FNDC3B: variants seen among roughly 807,000 people sequenced by gnomAD.
FNDC3B encodes fibronectin type III domain containing 3B.
Under a neutral mutation model 151.5 loss-of-function variants are expected in FNDC3B, and 12 were observed. The observed-to-expected ratio is 0.08, with a 90% CI of 0.05 to 0.13. The LOEUF is 0.13. Among genes scored for constraint, FNDC3B ranks in the 10% least tolerant of loss-of-function variants. FNDC3B has a pLI of 1.00. For missense variants in FNDC3B, 1,214 were observed against 1,505.3 expected, an observed-to-expected ratio of 0.81 and a Z score of 3.20; for synonymous variants, 528 against 549.0, an observed-to-expected ratio of 0.96 and a Z score of 0.54.
At chr3:172,384,626 T>G (rs1013832994) in intron 25 of FNDC3B, among the ~76,000 whole-genome samples, 2 of 152,250 alleles carry the variant, frequency 1.3e-5, no homozygotes, top group Non-Finnish European at 2.9e-5. Flanking sequence ...CACCTGTTCT[T>G]GGAAAAATGT....
chr3:172,198,458 A>G (rs1724964647), intron 3 of FNDC3B, among the ~76,000 whole-genome samples: 1 of 152,194 alleles, frequency 6.6e-6, no homozygotes, highest in Non-Finnish European at 1.5e-5. Flanking sequence ...GTTTACACTG[A>G]TACCTCCAAT....
chr3:172,352,735 C>A lies in FNDC3B; in HGVS notation c.2515-68C>A. ...CTACTTTAGATTTATTTAATGGCAG[C>A]TAACTCAGAGGCATCAAAATGTGCT... On this transcript the variant is annotated intron_variant, in intron 21 of 25. Coordinates refer to ENST00000415807, the MANE Select transcript of FNDC3B (RefSeq NM_022763.4). The surrounding 1 kb of genome is among the most constrained non-coding windows in gnomAD (Gnocchi z 4.2). The A allele has an allele frequency of 1.4e-6, 2 of 1,471,070 alleles. No individual in the cohort carries two copies. The highest frequency in any genetic ancestry group is 1.8e-6 in the Non-Finnish European group (2 of 1,086,150). 91.1% of individuals were successfully genotyped at this position (1,471,070 alleles called of 1,614,324 possible). A position where few individuals can be genotyped will look rare whatever the true frequency, so the allele number is the denominator to read the frequency against.
At chr3:172,342,946 A>G (rs1476497180) in intron 17 of FNDC3B, 65 bp from the exon 18 acceptor site, 1 of 981,876 alleles carries the variant, frequency 1.0e-6, no homozygotes, top group African/African-American at 1.6e-5. Context: ...AATTTGCCTG[A>G]TATGTAGAGG....
chr3:172,297,755 T>C (rs1259143011), intron 8 of FNDC3B, among the ~76,000 whole-genome samples: 4 of 140,108 alleles, frequency 2.9e-5, no homozygotes, highest in Non-Finnish European at 6.1e-5. Context: ...ATAACAGGCG[T>C]GAGCCACCGC....
At chr3:172,368,625 C>T (rs1436190317) in intron 23 of FNDC3B, among the ~76,000 whole-genome samples, 1 of 152,156 alleles carries the variant, frequency 6.6e-6, no homozygotes, top group Non-Finnish European at 1.5e-5. Flanking sequence ...AGGCATATCC[C>T]TTCACTTCTT....
At chr3:172,092,432 C>G (rs1383036300) in intron 1 of FNDC3B, among the ~76,000 whole-genome samples, 2 of 152,190 alleles carry the variant, frequency 1.3e-5, no homozygotes, top group Non-Finnish European at 2.9e-5. Flanking sequence ...GAAAATTGCT[C>G]AATACACATT....
intron 1 of FNDC3B, 123 bp from the exon 2 acceptor site, chr3:172,112,329 G>T: frequency 1.5e-6 from 1 of 660,642 alleles, no homozygotes; most frequent in Non-Finnish European, 2.8e-6. Flanking sequence ...AATAATACAG[G>T]GCTCTCAAAT....
chr3:172,049,326 A>C (rs138364015), intron 1 of FNDC3B, among the ~76,000 whole-genome samples: 3 of 152,124 alleles, frequency 2.0e-5, no homozygotes, highest in Non-Finnish European at 4.4e-5. Flanking sequence ...CTTAAATTTA[A>C]GAGGAAAATG....
At chr3:172,319,694 C>T (rs1731984960) in intron 11 of FNDC3B, among the ~76,000 whole-genome samples, 1 of 152,038 alleles carries the variant, frequency 6.6e-6, no homozygotes, top group African/African-American at 2.4e-5. Context: ...CCCTCCCTCC[C>T]TGTTAGGAGC....
chr3:172,200,594 G>C (rs1357214538), intron 3 of FNDC3B, among the ~76,000 whole-genome samples: 1 of 152,186 alleles, frequency 6.6e-6, no homozygotes, highest in Non-Finnish European at 1.5e-5. Flanking sequence ...GTAGGCTAAT[G>C]TAAGTGTTCT....
intron 11 of FNDC3B, among the ~76,000 whole-genome samples, chr3:172,316,810 T>A (rs1323499902): frequency 6.6e-6 from 1 of 152,252 alleles, no homozygotes. Flanking sequence ...CTCAGCTTTG[T>A]CTCTGTCTTC....
chr3:172,378,233 C>T lies in FNDC3B; in HGVS notation c.3009-37C>T, dbSNP rs80117697. 9.5e-4 allele frequency: 1,448 copies of T among 1,526,880 alleles called. 13 individuals are homozygous for T. In the African/African-American group the frequency reaches 0.016, roughly 17 times the overall value. 94.6% of individuals were successfully genotyped at this position (1,526,880 alleles called of 1,614,324 possible). On this transcript the variant is annotated intron_variant, in intron 23 of 25. Transcript: ENST00000415807. ...TAATTAATTTCTTGTCATTAGTAGACGTTCAGATGGCTAATTGATTCTGCT... is the reference window on the plus strand; with the variant it reads ...TAATTAATTTCTTGTCATTAGTAGATGTTCAGATGGCTAATTGATTCTGCT...
At chr3:172,086,737 A>T (rs929361175) in intron 1 of FNDC3B, among the ~76,000 whole-genome samples, 11 of 152,260 alleles carry the variant, frequency 7.2e-5, no homozygotes, top group African/African-American at 2.7e-4. Flanking sequence ...AGTGAACATT[A>T]GATCTTAAAA....
At chr3:172,284,040 C>G (rs1219611798) in intron 6 of FNDC3B, among the ~76,000 whole-genome samples, 1 of 152,100 alleles carries the variant, frequency 6.6e-6, no homozygotes. Context: ...GGAACAAGTC[C>G]TTTTAAAGTT....
intron 15 of FNDC3B, 62 bp downstream of exon 15, chr3:172,335,144 A>C (rs1259830176): frequency 2.7e-6 from 4 of 1,500,064 alleles, no homozygotes; most frequent in Non-Finnish European, 2.7e-6. Context: ...ATTTTTAAAA[A>C]ATGATTCATT....
chr3:172,056,073 G>A (rs920504929), intron 1 of FNDC3B, among the ~76,000 whole-genome samples: 2 of 152,128 alleles, frequency 1.3e-5, no homozygotes, highest in Non-Finnish European at 2.9e-5. Flanking sequence ...GAGCCACTGC[G>A]CCCGGCCTGT....
chr3:172,196,692 G>T (rs1223810779), intron 3 of FNDC3B, among the ~76,000 whole-genome samples: 1 of 152,032 alleles, frequency 6.6e-6, no homozygotes, highest in Non-Finnish European at 1.5e-5. Flanking sequence ...GAATAGAAGA[G>T]GGAGGGTCTA....
At chr3:172,343,821 A>G (rs1347835114) in intron 18 of FNDC3B, among the ~76,000 whole-genome samples, 2 of 152,190 alleles carry the variant, frequency 1.3e-5, no homozygotes, top group African/African-American at 4.8e-5. Flanking sequence ...ATGAAGAAAT[A>G]TATCTAATGT....
intron 1 of FNDC3B, among the ~76,000 whole-genome samples, chr3:172,046,069 G>A (rs1371347376): frequency 6.6e-6 from 1 of 152,006 alleles, no homozygotes; most frequent in African/African-American, 2.4e-5. Flanking sequence ...AGGTATGTGG[G>A]GTGCCAGTTG....
Sources: allele counts gnomAD v4.1 joint callset (sites outside exome capture counted in the v4.1 genomes callset), GRCh38; gene constraint gnomAD v4.1.1; non-coding constraint Gnocchi (gnomAD v3.1); transcripts MANE v1.5; gene names NCBI Gene and HGNC (gene_info 2026-07-23, HGNC 2026-07-21).